RANBP2: variants seen among roughly 807,000 people sequenced by gnomAD.
The protein encoded by RANBP2 is E3 SUMO-protein ligase RanBP2.
A neutral mutation model predicts 303.6 loss-of-function variants in RANBP2; 57 were observed. The ratio of observed to expected loss-of-function variants is 0.19; its 90% CI spans 0.15 to 0.23. The LOEUF is 0.23. RANBP2 is among the 10% of genes least tolerant of loss of function. The pLI is 1.00. For missense variants in RANBP2, 3,138 were observed against 3,780.8 expected (o/e 0.83, Z 4.46); for synonymous variants, 1,167 against 1,301.5 (o/e 0.90, Z 2.23).
chr2:108,876,884 G>C, the RANBP2 span, among the ~76,000 whole-genome samples: 1 of 152,280 alleles, frequency 6.6e-6, no homozygotes, highest in South Asian at 2.1e-4. Flanking sequence ...CCTGTTACCA[G>C]AGATATCTCT....
At chr2:109,433,507 G>A in the RANBP2 span, among the ~76,000 whole-genome samples, 1 of 152,216 alleles carries the variant, frequency 6.6e-6, no homozygotes, top group Non-Finnish European at 1.5e-5. Context: ...TCGTGGGCAC[G>A]GCCCTGTGTT....
At chr2:109,734,472 T>C in the RANBP2 span, among the ~76,000 whole-genome samples, 1 of 152,080 alleles carries the variant, frequency 6.6e-6, no homozygotes, top group African/African-American at 2.4e-5. Context: ...AGATAAAAAC[T>C]ACAAAAAAAT....
At chr2:109,090,087 G>A in the RANBP2 span, among the ~76,000 whole-genome samples, 1 of 152,060 alleles carries the variant, frequency 6.6e-6, no homozygotes, top group Non-Finnish European at 1.5e-5. Flanking sequence ...GTGACTGATA[G>A]GTGTCCCAGA....
chr2:108,891,165 A>C, the RANBP2 span, among the ~76,000 whole-genome samples: 726 of 152,272 alleles, frequency 4.8e-3, 7 homozygotes, highest in South Asian at 0.023. Flanking sequence ...GGGATTTCAG[A>C]AATTTATTTT....
At chr2:109,258,407 G>T in the RANBP2 span, among the ~76,000 whole-genome samples, 1 of 152,182 alleles carries the variant, frequency 6.6e-6, no homozygotes, top group African/African-American at 2.4e-5. Flanking sequence ...GGTCTCTACA[G>T]CTCAGAGCCT....
the RANBP2 span, among the ~76,000 whole-genome samples, chr2:109,463,662 A>C: frequency 6.6e-6 from 1 of 152,234 alleles, no homozygotes; most frequent in Non-Finnish European, 1.5e-5. Flanking sequence ...TGAGGCTCAC[A>C]AAAGAGGAGA....
chr2:109,313,718 G>C, the RANBP2 span: 5 of 154,956 alleles, frequency 3.2e-5, no homozygotes, highest in Admixed American at 1.3e-4. Flanking sequence ...TGTAGGTGAT[G>C]GCATGTGCCT....
chr2:108,775,736 C>G lies in RANBP2; in HGVS notation c.8297C>G (p.Ser2766Cys). ...TTTGTGACTTCCTCTTTGCAGAAATCTCAGACAGAAGAAATAACTAGCACA... is the reference window on the plus strand; with the variant it reads ...TTTGTGACTTCCTCTTTGCAGAAATGTCAGACAGAAGAAATAACTAGCACA... ...ELQKVQEAQK[S>C]QTEEITSTTD... The change falls in exon 24 of 29, where the codon TCT (serine) becomes TGT (cysteine). Residue 2766 changes from serine to cysteine, a missense_variant. By Grantham distance (112) the Ser-to-Cys change is moderately radical. Around this residue, in one of 20 missense-constraint regions of RANBP2, gnomAD observed 497 missense variants for 465.8 expected, o/e 1.07. Coordinates refer to ENST00000283195, the MANE Select transcript of RANBP2 (RefSeq NM_006267.5). The G allele has an allele frequency of 2.5e-6, 4 of 1,613,594 alleles. No individual in the cohort carries two copies. Among genetic ancestry groups the G allele is most frequent in the East Asian group, 2.2e-5 (1 of 44,788 alleles).
the RANBP2 span, among the ~76,000 whole-genome samples, chr2:109,219,862 A>G: frequency 1.3e-5 from 2 of 152,200 alleles, no homozygotes; most frequent in Non-Finnish European, 2.9e-5. Flanking sequence ...AAAGTGATCT[A>G]CAGATTCAGG....
chr2:108,995,839 G>A, the RANBP2 span, among the ~76,000 whole-genome samples: 4 of 152,100 alleles, frequency 2.6e-5, no homozygotes, highest in East Asian at 1.9e-4. Flanking sequence ...AGAGTAGGAC[G>A]GAAGGAGCTC....
At chr2:109,060,749 T>C in the RANBP2 span, among the ~76,000 whole-genome samples, 1 of 152,190 alleles carries the variant, frequency 6.6e-6, no homozygotes, top group Non-Finnish European at 1.5e-5. Flanking sequence ...CAGTTTCCCA[T>C]GTGTCTGTAG....
chr2:109,646,199 C>A, the RANBP2 span, among the ~76,000 whole-genome samples: 1 of 152,100 alleles, frequency 6.6e-6, no homozygotes, highest in Non-Finnish European at 1.5e-5. Context: ...AAGGCAAGAC[C>A]TACTTCACCC....
At chr2:109,622,919 G>C in the RANBP2 span, among the ~76,000 whole-genome samples, 50 of 152,332 alleles carry the variant, frequency 3.3e-4, no homozygotes, top group African/African-American at 1.1e-3. Flanking sequence ...CCTGAGGTCA[G>C]TAGTTCGAGA....
At chr2:109,047,375 C>G in the RANBP2 span, among the ~76,000 whole-genome samples, 3 of 152,216 alleles carry the variant, frequency 2.0e-5, no homozygotes, top group African/African-American at 7.2e-5. Context: ...AAGAAACTAA[C>G]ACATCTTAAA....
the RANBP2 span, among the ~76,000 whole-genome samples, chr2:108,830,365 T>G: frequency 6.6e-6 from 1 of 152,224 alleles, no homozygotes. Flanking sequence ...TGATTACACT[T>G]AATGCCATTG....
the RANBP2 span, among the ~76,000 whole-genome samples, chr2:109,175,448 G>T: frequency 6.6e-6 from 1 of 152,220 alleles, no homozygotes; most frequent in Non-Finnish European, 1.5e-5. Context: ...TAACCAGGAA[G>T]CTTCACGAGT....
the RANBP2 span, among the ~76,000 whole-genome samples, chr2:108,850,522 G>A: frequency 6.6e-6 from 1 of 152,084 alleles, no homozygotes; most frequent in African/African-American, 2.4e-5. Flanking sequence ...CACGATCTTG[G>A]CTCACTGCAG....
the RANBP2 span, among the ~76,000 whole-genome samples, chr2:108,824,583 GT>G: frequency 6.6e-6 from 1 of 152,096 alleles, no homozygotes; most frequent in Non-Finnish European, 1.5e-5. Context: ...GCCTGAGGCT[GT>G]TTTACATTTA....
At chr2:109,137,671 GAA>G in the RANBP2 span, among the ~76,000 whole-genome samples, 1 of 152,342 alleles carries the variant, frequency 6.6e-6, no homozygotes, top group East Asian at 1.9e-4. Flanking sequence ...ATACTGGAGA[GAA>G]AGAGGAAAGA....
Sources: allele counts gnomAD v4.1 joint callset (sites outside exome capture counted in the v4.1 genomes callset), GRCh38; gene constraint gnomAD v4.1.1; regional missense constraint gnomAD v4.1.1; transcripts MANE v1.5; gene names NCBI Gene and HGNC (gene_info 2026-07-23, HGNC 2026-07-21).